EIF3F: variants seen among roughly 807,000 people sequenced by gnomAD.
EIF3F encodes eukaryotic translation initiation factor 3 subunit F.
EIF3F carries 8 observed loss-of-function variants against 36.0 expected under a neutral mutation model. The observed-to-expected ratio is 0.22, with a 90% CI of 0.13 to 0.40. The LOEUF is 0.40. Among genes scored for constraint, EIF3F ranks in the 10% least tolerant of loss-of-function variants. The probability of loss-of-function intolerance (pLI) is 1.00; values close to 1 mark genes in which losing one functional copy is unlikely to be tolerated. For missense variants in EIF3F, 430 were observed against 467.6 expected, an observed-to-expected ratio of 0.92 and a Z score of 0.74; for synonymous variants, 184 against 188.5, an observed-to-expected ratio of 0.98 and a Z score of 0.19.
Position 7,996,004 on chromosome 11 carries a change from A to G in EIF3F, c.1056A>G (p.Glu352=), listed in dbSNP as rs547747925. 1.8e-5 allele frequency: 29 copies of G among 1,613,960 alleles called. No homozygotes were observed. The highest frequency in any genetic ancestry group is 3.3e-4 in the Middle Eastern group (2 of 6,056). The change falls in exon 8 of 8, where the codon GAA becomes GAG. Residue 352 remains glutamate, a synonymous_variant. Transcript: ENST00000651655. ...CACAGTCACAGATTGCACTCAATGA[A>G]AAACTTGTAAACCTGTGAATGGACC... is the stretch of plus-strand genomic sequence containing the variant. ...NLTQSQIALN[E]KLVNL
At chr11:7,993,111 G>C in intron 4 of EIF3F, 87 bp downstream of exon 4, 1 of 1,436,948 alleles carries the variant, frequency 7.0e-7, no homozygotes, top group Non-Finnish European at 9.3e-7. Context: ...TTCCTTCCAT[G>C]TGTAACTTGC....
At position 7,995,550 on chromosome 11, in the gene EIF3F, T is replaced by G. The variant is rs914177966; in HGVS notation, c.996+183T>G. ...GGTGTGTTATGCGTGGTTGGAGACTTCCTTCCTTCTCCCATGATTCCATTG... is the reference window on the plus strand; with the variant it reads ...GGTGTGTTATGCGTGGTTGGAGACTGCCTTCCTTCTCCCATGATTCCATTG... On this transcript the variant is annotated intron_variant, in intron 7 of 7. Transcript: ENST00000651655. 9 of 618,500 alleles carry G rather than the reference T, an allele frequency of 1.5e-5. No individual in the cohort carries two copies. In the East Asian group the frequency reaches 1.7e-4, roughly 11 times the overall value. 38.3% of individuals were successfully genotyped at this position (618,500 alleles called of 1,614,324 possible). A position where few individuals can be genotyped will look rare whatever the true frequency, so the allele number is the denominator to read the frequency against.
intron 2 of EIF3F, 52 bp downstream of exon 2, chr11:7,991,903 C>G: frequency 1.2e-6 from 2 of 1,603,864 alleles, no homozygotes; most frequent in Non-Finnish European, 1.7e-6. Flanking sequence ...TTCATTTGCT[C>G]GGCTCCCCTC....
At position 7,996,157 on chromosome 11, in the gene EIF3F, C is replaced by G; in HGVS notation, c.*135C>G. 1.4e-6 allele frequency: 1 copy of G among 727,678 alleles called. No individual in the cohort carries two copies. The highest frequency in any genetic ancestry group is 2.3e-6 in the Non-Finnish European group (1 of 434,494). 45.1% of individuals were successfully genotyped at this position (727,678 alleles called of 1,614,324 possible). On this transcript the variant is annotated 3_prime_UTR_variant, in exon 8 of 8. Coordinates refer to ENST00000651655, the MANE Select transcript of EIF3F (RefSeq NM_003754.3). ...GTGTGACTCTAATAAACGGAGCCTACCTTTTGTAAATTAATTTCATCTTAT... is the reference window on the plus strand; with the variant it reads ...GTGTGACTCTAATAAACGGAGCCTAGCTTTTGTAAATTAATTTCATCTTAT...
chr11:7,993,083 C>T lies in EIF3F; in HGVS notation c.653+59C>T, dbSNP rs950552916. On this transcript the variant is annotated intron_variant, in intron 4 of 7. Transcript: ENST00000651655. ...CCATGCCCAGATGCCATCCCTCCCC[C>T]ACCCCAAGCAAGGTTAATTCCTTCC... The T allele has an allele frequency of 3.3e-6, 5 of 1,503,896 alleles. No individual in the cohort carries two copies. The South Asian group carries it at 4.0e-5, about 12-fold the overall frequency. 93.2% of individuals were successfully genotyped at this position (1,503,896 alleles called of 1,614,324 possible). A position where few individuals can be genotyped will look rare whatever the true frequency, so the allele number is the denominator to read the frequency against.
In EIF3F at chr11:7,987,445, A is replaced by G. The variant is rs768938365; in HGVS notation, c.93A>G (p.Pro31=). 6.2e-7 allele frequency: 1 copy of G among 1,603,286 alleles called. No individual in the cohort carries two copies. The highest frequency in any genetic ancestry group is 8.5e-7 in the Non-Finnish European group (1 of 1,179,062). The stretch of plus-strand genomic sequence containing the variant: ...CAGCCTCAGTTCCAGCGCCAACGCC[A>G]GCACCGGCTGCGGCTCCGGTTCCCG... ...AAPASVPAPT[P]APAAAPVPAA... Residue 31 remains proline, a synonymous_variant, in exon 1 of 8, where the codon CCA becomes CCG. Transcript: ENST00000651655.
intron 4 of EIF3F, among the ~76,000 whole-genome samples, chr11:7,993,471 C>G (rs372749221): frequency 4.6e-5 from 7 of 152,186 alleles, no homozygotes; most frequent in African/African-American, 1.7e-4. Context: ...ATTTATTAAC[C>G]CAGGATTGAG....
At chr11:7,992,577 T>C (rs1942109742) in intron 3 of EIF3F, 19 of 447,934 alleles carry the variant, frequency 4.2e-5, no homozygotes, top group South Asian at 3.8e-4. Flanking sequence ...ACCCTGTCTC[T>C]AAAAAACAAA....
At chr11:7,991,207 GAAA>G (rs977082351) in intron 1 of EIF3F, among the ~76,000 whole-genome samples, 2 of 151,072 alleles carry the variant, frequency 1.3e-5, no homozygotes, top group Non-Finnish European at 3.0e-5. Context: ...AAAAAAAAAA[GAAA>G]AAAAGAAATA....
rs1349940154 is a variant in EIF3F, at chr11:8,000,893, A to G, written c.*4871A>G. ...ATGAGTGAGGAAGAACTTTCTAAGA[A>G]CTGAGAATCCAGGAGTTATTTTAAA... On this transcript the variant is annotated 3_prime_UTR_variant, in exon 8 of 8. Coordinates refer to ENST00000651655, the MANE Select transcript of EIF3F (RefSeq NM_003754.3). 3 of 152,242 alleles carry G rather than the reference A, an allele frequency of 2.0e-5. No individual in the cohort carries two copies. The highest frequency in any genetic ancestry group is 4.4e-5 in the Non-Finnish European group (3 of 68,050). The allele number at this position is 152,242 out of a possible 1,614,324, so 9.4% of individuals were successfully genotyped here.
At position 7,987,381 on chromosome 11, in the gene EIF3F, C is replaced by G. The variant is rs200315934; in HGVS notation, c.29C>G (p.Ala10Gly). ...GCCACACCGGCGGTACCAGTAAGTG[C>G]TCCTCCGGCCACGCCAACCCCAGTC... MATPAVPVS[A>G]PPATPTPVPA... The change falls in exon 1 of 8, where the codon GCT becomes GGT. Residue 10 changes from alanine (A) to glycine (G), a missense_variant. Around this residue, in one of 2 missense-constraint regions of EIF3F, gnomAD observed 168 missense variants for 120.2 expected, o/e 1.40. Transcript: ENST00000651655. 1 of 1,597,954 alleles carries G rather than the reference C, an allele frequency of 6.3e-7. No homozygotes were observed. Among genetic ancestry groups the G allele is most frequent in the Non-Finnish European group, 8.5e-7 (1 of 1,178,428 alleles).
Position 7,995,090 on chromosome 11 carries a change from C to T in EIF3F, c.854C>T (p.Thr285Ile), listed in dbSNP as rs369290417. ...GCTCGCATCCAGGATGCCCTGAGTA[C>T]AGTGTTGCAATATGCAGAGGATGTA... ...ASARIQDALS[T>I]VLQYAEDVLS... is the part of the protein sequence containing the mutation. The change falls in exon 6 of 8, where the codon ACA becomes ATA. Residue 285 changes from threonine to isoleucine, a missense_variant. Coordinates refer to ENST00000651655, the MANE Select transcript of EIF3F (RefSeq NM_003754.3). 2.5e-5 allele frequency: 41 copies of T among 1,613,770 alleles called. No homozygotes were observed. The highest frequency in any genetic ancestry group is 3.3e-5 in the Non-Finnish European group (39 of 1,179,928).
At position 7,987,579 on chromosome 11, in the gene EIF3F, C is replaced by G. The variant is rs200904167; in HGVS notation, c.227C>G (p.Ala76Gly). Residue 76 changes from alanine to glycine, a missense_variant, in exon 1 of 8, where the codon GCT (alanine) becomes GGT (glycine). Physicochemically the swap from Ala to Gly is moderately conservative, Grantham distance 60 (BLOSUM62 0). Around this residue, in one of 2 missense-constraint regions of EIF3F, gnomAD observed 168 missense variants for 120.2 expected, o/e 1.40. Coordinates refer to ENST00000651655, the MANE Select transcript of EIF3F (RefSeq NM_003754.3). Reference protein sequence around the residue: ...AQAPAQTPAPALPGPALPGPF... With the variant: ...AQAPAQTPAPGLPGPALPGPF... ...GCTCCAGCGCAGACCCCAGCGCCCG[C>G]TCTGCCTGGTCCTGCTCTTCCAGGG... 2.8e-3 allele frequency: 4,436 copies of G among 1,597,176 alleles called. 120 individuals carry two copies. The African/African-American group carries it at 0.053, about 19-fold the overall frequency.
chr11:7,991,179 C>G (rs1298485560), intron 1 of EIF3F, among the ~76,000 whole-genome samples: 1 of 147,646 alleles, frequency 6.8e-6, no homozygotes, highest in Non-Finnish European at 1.5e-5. Flanking sequence ...TGGGCGACAG[C>G]AAGATTTCGT....
intron 4 of EIF3F, among the ~76,000 whole-genome samples, chr11:7,993,291 T>C (rs1045012510): frequency 6.6e-6 from 1 of 152,230 alleles, no homozygotes. Flanking sequence ...TTGTAGGACC[T>C]AACTATTCCA....
In EIF3F at chr11:8,001,768, A is replaced by C. The variant is rs1942224863; in HGVS notation, c.*5746A>C. The C allele has an allele frequency of 6.6e-6, 1 of 152,300 alleles. No individual in the cohort carries two copies. Among genetic ancestry groups the C allele is most frequent in the Admixed American group, 6.5e-5 (1 of 15,292 alleles). The allele number at this position is 152,300 out of a possible 1,614,324, so 9.4% of individuals were successfully genotyped here. A position where few individuals can be genotyped will look rare whatever the true frequency, so the allele number is the denominator to read the frequency against. ...GGACAGGACGAAAGATTTACTTCTT[A>C]TTGTTTCTTCTGTATAACTTTTGAA... On this transcript the variant is annotated 3_prime_UTR_variant, in exon 8 of 8. Coordinates refer to ENST00000651655, the MANE Select transcript of EIF3F (RefSeq NM_003754.3).
Position 8,000,822 on chromosome 11 carries a change from C to A in EIF3F, c.*4800C>A, listed in dbSNP as rs1249069683. 2 of 151,268 alleles carry A rather than the reference C, an allele frequency of 1.3e-5. No individual in the cohort carries two copies. The highest frequency in any genetic ancestry group is 2.9e-5 in the Non-Finnish European group (2 of 67,898). 9.4% of individuals were successfully genotyped at this position (151,268 alleles called of 1,614,324 possible). A position where few individuals can be genotyped will look rare whatever the true frequency, so the allele number is the denominator to read the frequency against. On this transcript the variant is annotated 3_prime_UTR_variant, in exon 8 of 8. Transcript: ENST00000651655. ...AATAAAAACTTGTCTGAAAAAAAAA[C>A]CATAAATATGAGGGAAAAAACACAG... is the stretch of plus-strand genomic sequence containing the variant.
chr11:7,991,762 A>G lies in EIF3F; in HGVS notation c.365-19A>G. On this transcript the variant is annotated intron_variant, in intron 1 of 7. Transcript: ENST00000651655. ...AGCCCTAGGATTATATAACACATGG[A>G]CGATTCTCTCTTTCACAGGAACTGT... is the stretch of plus-strand genomic sequence containing the variant. 6.2e-7 allele frequency: 1 copy of G among 1,613,984 alleles called. No individual in the cohort carries two copies. The highest frequency in any genetic ancestry group is 8.5e-7 in the Non-Finnish European group (1 of 1,179,852).
Position 7,997,473 on chromosome 11 carries a change from A to G in EIF3F, c.*1451A>G, listed in dbSNP as rs1942173584. On this transcript the variant is annotated 3_prime_UTR_variant, in exon 8 of 8. Transcript: ENST00000651655. Reference sequence around the variant, plus strand: ...TTAAATTTGAGAAATAAGCATAGAAAAGGTGGATAAAACAAAAGATGGCAA... The same window carrying G: ...TTAAATTTGAGAAATAAGCATAGAAGAGGTGGATAAAACAAAAGATGGCAA... 6.6e-6 allele frequency: 1 copy of G among 152,240 alleles called. No individual in the cohort carries two copies. Among genetic ancestry groups the G allele is most frequent in the Non-Finnish European group, 1.5e-5 (1 of 68,036 alleles). 9.4% of individuals were successfully genotyped at this position (152,240 alleles called of 1,614,324 possible).
Sources: allele counts gnomAD v4.1 joint callset (sites outside exome capture counted in the v4.1 genomes callset), GRCh38; gene constraint gnomAD v4.1.1; regional missense constraint gnomAD v4.1.1; transcripts MANE v1.5; gene names NCBI Gene and HGNC (gene_info 2026-07-23, HGNC 2026-07-21).